Variants in CCDC180 observed in about 807,000 individuals in gnomAD.
The protein encoded by CCDC180 is coiled-coil domain containing 180, also known as coiled-coil domain-containing protein 180.
CCDC180 carries 154 observed loss-of-function variants against 209.2 expected under a neutral mutation model. The ratio of observed to expected loss-of-function variants is 0.74; its 90% CI spans 0.65 to 0.84. The LOEUF is 0.84. CCDC180 is among the 40% of genes least tolerant of loss of function. The pLI, the probability that CCDC180 is intolerant of heterozygous loss-of-function variation, is 0.00. For synonymous variants in CCDC180, 778 were observed against 749.1 expected (o/e 1.04, Z -0.63); for missense variants, 1,874 against 1,997.3 (o/e 0.94, Z 1.18).
At chr9:97,351,255 A>G (rs1364983772) in intron 22 of CCDC180, among the ~76,000 whole-genome samples, 2 of 152,146 alleles carry the variant, frequency 1.3e-5, no homozygotes, top group South Asian at 2.1e-4. Context: ...CAGCTGCGCC[A>G]TGTTCATTCT....
At position 97,362,226 on chromosome 9, in the gene CCDC180, T is replaced by C. The variant is rs1251650816; in HGVS notation, c.3687T>C (p.His1229=). Residue 1229 remains histidine, a synonymous_variant, in exon 28 of 37, where the codon CAT becomes CAC. Transcript: ENST00000529487. ...QLPNTKWPTH[H]CDKDPSQTGR... ...CCAACACAAAATGGCCAACCCACCA[T>C]TGTGACAAAGATCCGTCCCAGACAG... 4 of 1,613,668 alleles carry C rather than the reference T, an allele frequency of 2.5e-6. No homozygotes were observed. The highest frequency in any genetic ancestry group is 1.3e-5 in the African/African-American group (1 of 74,996).
At chr9:97,335,956 G>C (rs1362802832) in intron 18 of CCDC180, among the ~76,000 whole-genome samples, 1 of 152,196 alleles carries the variant, frequency 6.6e-6, no homozygotes, top group Non-Finnish European at 1.5e-5. Flanking sequence ...TCATGTGTCT[G>C]TTGGCGGCAT....
Position 97,307,761 on chromosome 9 carries a change from C to T in CCDC180, c.-127C>T. On this transcript the variant is annotated 5_prime_UTR_variant, in exon 1 of 37. Coordinates refer to ENST00000529487, the MANE Select transcript of CCDC180 (RefSeq NM_020893.6). ...AGTCCCTTCGGATTTGCGCCATGCG[C>T]GGCGGGGAGAACCGGCCTCCTGCTC... 1.2e-6 allele frequency: 2 copies of T among 1,614,154 alleles called. No homozygotes were observed. The highest frequency in any genetic ancestry group is 1.7e-6 in the Non-Finnish European group (2 of 1,180,002).
intron 18 of CCDC180, among the ~76,000 whole-genome samples, chr9:97,337,811 G>A (rs148319536): frequency 6.6e-6 from 1 of 152,130 alleles, no homozygotes; most frequent in African/African-American, 2.4e-5. Flanking sequence ...TTTCTGGTTG[G>A]TAGGCTATTA....
chr9:97,349,171 TGAA>T lies in CCDC180; in HGVS notation c.2743_2745del (p.Lys915del), dbSNP rs750758707. On this transcript the variant is annotated inframe_deletion, in exon 21 of 37. Transcript: ENST00000529487. Reference sequence around the variant, plus strand: ...CACTGTGCTGGGGTGACCGAGACGCTGAAGAAGAAGCGGCTGATGTTCTGCCAG... The same window carrying T: ...CACTGTGCTGGGGTGACCGAGACGCTGAAGAAGCGGCTGATGTTCTGCCAG... 8 of 1,536,340 alleles carry T rather than the reference TGAA, an allele frequency of 5.2e-6. No individual in the cohort carries two copies. Among genetic ancestry groups the T allele is most frequent in the South Asian group, 1.2e-5 (1 of 84,044 alleles).
rs1218509976 is a variant in CCDC180 at position 97,370,042 on chromosome 9, G to A, written c.4310G>A (p.Gly1437Glu). The change falls in exon 32 of 37, where the codon GGA becomes GAA. Residue 1437 changes from glycine to glutamate, a missense_variant. Transcript: ENST00000529487. ...KFFTSVKEIR[G>E]QFEEQQKRLE... is the part of the protein sequence containing the mutation. ...TTCACCTCTGTGAAGGAGATCCGAG[G>A]ACAGTTCGAGGAACAGCAGAAGCGG... 1 of 1,614,172 alleles carries A rather than the reference G, an allele frequency of 6.2e-7. No individual in the cohort carries two copies. The highest frequency in any genetic ancestry group is 1.7e-5 in the Admixed American group (1 of 60,026).
chr9:97,309,464 T>A lies in CCDC180; in HGVS notation c.120T>A (p.Arg40=). Residue 40 remains arginine (R), a synonymous_variant, in exon 3 of 37, where the codon CGT becomes CGA. Coordinates refer to ENST00000529487, the MANE Select transcript of CCDC180 (RefSeq NM_020893.6). ...CCACCAGGAAGCGGGCTGCAGAGCGTTCTGTGACCCTGAAGAGTGGCAGGA... is the reference window on the plus strand; with the variant it reads ...CCACCAGGAAGCGGGCTGCAGAGCGATCTGTGACCCTGAAGAGTGGCAGGA... The part of the protein sequence containing the change: ...LAATRKRAAE[R]SVTLKSGRIP... 1 of 1,605,634 alleles carries A rather than the reference T, an allele frequency of 6.2e-7. No individual in the cohort carries two copies. Among genetic ancestry groups the A allele is most frequent in the Non-Finnish European group, 8.5e-7 (1 of 1,176,268 alleles).
intron 2 of CCDC180, 72 bp from the exon 3 acceptor site, chr9:97,309,342 C>T (rs1832903046): frequency 1.4e-6 from 2 of 1,453,076 alleles, no homozygotes; most frequent in Non-Finnish European, 1.9e-6. Context: ...TAGACAGCCA[C>T]CATCAGCCTG....
intron 14 of CCDC180, among the ~76,000 whole-genome samples, chr9:97,326,034 C>T (rs891377189): frequency 2.0e-5 from 3 of 152,350 alleles, no homozygotes; most frequent in Admixed American, 6.5e-5. Flanking sequence ...GGAAGACACT[C>T]CAAGTTCTTA....
At chr9:97,326,349 A>C (rs1187393252) in intron 14 of CCDC180, among the ~76,000 whole-genome samples, 1 of 152,160 alleles carries the variant, frequency 6.6e-6, no homozygotes, top group Non-Finnish European at 1.5e-5. Flanking sequence ...AGGGAAGAAC[A>C]CTGCAGGCAG....
Position 97,317,082 on chromosome 9 carries a change from G to A in CCDC180, c.813G>A (p.Leu271=), listed in dbSNP as rs1833198294. 6.2e-7 allele frequency: 1 copy of A among 1,612,580 alleles called. No individual in the cohort carries two copies. Among genetic ancestry groups the A allele is most frequent in the Admixed American group, 1.7e-5 (1 of 59,966 alleles). The change falls in exon 9 of 37, where the codon CTG becomes CTA. Residue 271 remains leucine, a synonymous_variant. Transcript: ENST00000529487. ...GACCACAGGTCATGAACTATGCCCT[G>A]CTGGGCAACCGGAAGGCTCTCGCCC... ...NEEAMVMNYA[L]LGNRKALAQL... is the part of the protein sequence containing the mutation.
In CCDC180 at chr9:97,376,990, C is replaced by A. The variant is rs1827277812; in HGVS notation, c.*96C>A. The A allele has an allele frequency of 1.4e-6, 2 of 1,394,596 alleles. No homozygotes were observed. The highest frequency in any genetic ancestry group is 1.9e-5 in the Admixed American group (1 of 53,108). The allele number at this position is 1,394,596 out of a possible 1,614,324, so 86.4% of individuals were successfully genotyped here. A position where few individuals can be genotyped will look rare whatever the true frequency, so the allele number is the denominator to read the frequency against. ...CTTTCCGTCCATCCCTCCCTCCCTTCATCCCTCCACCCCTGCTCTGTGCCG... is the reference window on the plus strand; with the variant it reads ...CTTTCCGTCCATCCCTCCCTCCCTTAATCCCTCCACCCCTGCTCTGTGCCG... On this transcript the variant is annotated 3_prime_UTR_variant, in exon 37 of 37. Coordinates refer to ENST00000529487, the MANE Select transcript of CCDC180 (RefSeq NM_020893.6).
At position 97,324,942 on chromosome 9, in the gene CCDC180, G is replaced by C. The variant is rs140836287; in HGVS notation, c.1372-77G>C. The C allele has an allele frequency of 1.1e-4, 154 of 1,376,812 alleles. 3 individuals are homozygous for C. In the South Asian group the frequency reaches 2.0e-3, roughly 18 times the overall value. The allele number at this position is 1,376,812 out of a possible 1,614,324, so 85.3% of individuals were successfully genotyped here. On this transcript the variant is annotated intron_variant, in intron 13 of 36. Transcript: ENST00000529487. The stretch of plus-strand genomic sequence containing the variant: ...TACTGTTCAGTCGTTAGAGACAGGG[G>C]GTCCCACAGGTGGGCCCTCTTCTTG...
intron 11 of CCDC180, among the ~76,000 whole-genome samples, chr9:97,320,924 G>A (rs1269801699): frequency 6.6e-6 from 1 of 152,208 alleles, no homozygotes; most frequent in Non-Finnish European, 1.5e-5. Flanking sequence ...ATGGTAGTGT[G>A]AAAGTGATAC....
chr9:97,308,414 A>G (rs567286618), intron 2 of CCDC180, among the ~76,000 whole-genome samples: 2 of 152,346 alleles, frequency 1.3e-5, no homozygotes, highest in African/African-American at 4.8e-5. Flanking sequence ...TCCCATGCAT[A>G]AAAACATGAC....
Position 97,360,005 on chromosome 9 carries a change from C to T in CCDC180, c.3387C>T (p.Leu1129=). ...AGACAGTGACCACAGAAGAACTCCT[C>T]AGCTTCGTCCAAACTTGGAAGGAAA... The part of the protein sequence containing the change: ...EKTTVTTEEL[L]SFVQTWKEKL... Residue 1129 remains leucine (L), a synonymous_variant, in exon 26 of 37, where the codon CTC becomes CTT. Transcript: ENST00000529487. 1 of 1,614,024 alleles carries T rather than the reference C, an allele frequency of 6.2e-7. No individual in the cohort carries two copies. The highest frequency in any genetic ancestry group is 8.5e-7 in the Non-Finnish European group (1 of 1,179,952).
At chr9:97,344,461 G>A (rs554306941) in intron 19 of CCDC180, among the ~76,000 whole-genome samples, 1 of 152,300 alleles carries the variant, frequency 6.6e-6, no homozygotes, top group South Asian at 2.1e-4. Flanking sequence ...ATAGCAGATA[G>A]GACAAAGGCC....
Position 97,375,451 on chromosome 9 carries a change from T to C in CCDC180, c.4707-3T>C. On this transcript the variant is annotated splice_region_variant and splice_polypyrimidine_tract_variant and intron_variant, in intron 35 of 36. Coordinates refer to ENST00000529487, the MANE Select transcript of CCDC180 (RefSeq NM_020893.6). Reference sequence around the variant, plus strand: ...TGAGATTTTCACACATGTTTGTTTGTAGGAAGTGGCCAGGGATCAAACCCA... The same window carrying C: ...TGAGATTTTCACACATGTTTGTTTGCAGGAAGTGGCCAGGGATCAAACCCA... The C allele has an allele frequency of 6.2e-7, 1 of 1,614,194 alleles. No individual in the cohort carries two copies. The highest frequency in any genetic ancestry group is 8.5e-7 in the Non-Finnish European group (1 of 1,180,012).
chr9:97,324,356 A>G (rs558444195), intron 13 of CCDC180, among the ~76,000 whole-genome samples: 3 of 152,346 alleles, frequency 2.0e-5, no homozygotes, highest in African/African-American at 7.2e-5. Flanking sequence ...GCAGAAACAA[A>G]TGGCATGGCT....
Sources: allele counts gnomAD v4.1 joint callset (sites outside exome capture counted in the v4.1 genomes callset), GRCh38; gene constraint gnomAD v4.1.1; transcripts MANE v1.5; gene names NCBI Gene and HGNC (gene_info 2026-07-23, HGNC 2026-07-21).